Variants in PDE1A observed in about 807,000 individuals in gnomAD.
PDE1A encodes dual specificity calcium/calmodulin-dependent 3',5'-cyclic nucleotide phosphodiesterase 1A.
PDE1A carries 35 observed loss-of-function variants against 61.7 expected under a neutral mutation model. That is an observed-to-expected ratio of 0.57 (90% CI 0.43 to 0.75). The LOEUF (loss-of-function observed/expected upper bound fraction) is 0.75, where lower values mean the gene tolerates loss of function less well. Ranked by LOEUF, PDE1A falls within the 30% of genes least tolerant of loss-of-function variation. The pLI is 0.00. For missense variants in PDE1A, 597 were observed against 630.6 expected (o/e 0.95, Z 0.57); for synonymous variants, 232 against 213.2 (o/e 1.09, Z -0.77).
At chr2:182,424,382 G>A (rs1703474470) in intron 1 of PDE1A, among the ~76,000 whole-genome samples, 1 of 152,330 alleles carries the variant, frequency 6.6e-6, no homozygotes, top group Non-Finnish European at 1.5e-5. Context: ...CCTGTCAAGT[G>A]GATTGAGATC....
At chr2:182,538,442 GT>G in the PDE1A span, among the ~76,000 whole-genome samples, 1 of 152,060 alleles carries the variant, frequency 6.6e-6, no homozygotes, top group Non-Finnish European at 1.5e-5. Flanking sequence ...GAAATACAAG[GT>G]ATGAAAAGAT....
chr2:182,327,153 C>T (rs1697099238), intron 1 of PDE1A, among the ~76,000 whole-genome samples: 2 of 152,132 alleles, frequency 1.3e-5, no homozygotes, highest in South Asian at 2.1e-4. Flanking sequence ...TTTCTTTGAA[C>T]AAGACAGAAA....
intron 13 of PDE1A, among the ~76,000 whole-genome samples, chr2:182,158,047 C>A (rs1484519575): frequency 6.6e-6 from 1 of 152,118 alleles, no homozygotes; most frequent in Non-Finnish European, 1.5e-5. Context: ...CATGTCAATA[C>A]CTAACTTTGG....
chr2:182,709,958 A>G, the PDE1A span, among the ~76,000 whole-genome samples: 31,804 of 152,102 alleles, frequency 0.21, 7,580 homozygotes, highest in African/African-American at 0.59. Flanking sequence ...GTGCAGTGGC[A>G]TGATCTTGGC....
At chr2:182,413,920 C>A (rs1463325852) in intron 1 of PDE1A, among the ~76,000 whole-genome samples, 1 of 152,014 alleles carries the variant, frequency 6.6e-6, no homozygotes, top group Non-Finnish European at 1.5e-5. Context: ...TGCTTCTGAA[C>A]TTATTATTAT....
At chr2:182,204,761 T>G (rs569513785) in intron 8 of PDE1A, among the ~76,000 whole-genome samples, 1 of 152,344 alleles carries the variant, frequency 6.6e-6, no homozygotes, top group South Asian at 2.1e-4. Flanking sequence ...AAGGTATACA[T>G]GGGTTTTCAG....
chr2:182,557,983 T>A, the PDE1A span, among the ~76,000 whole-genome samples: 35 of 152,256 alleles, frequency 2.3e-4, no homozygotes, highest in African/African-American at 8.2e-4. Context: ...TAAATTGTTA[T>A]AAAATCTGTT....
At chr2:182,384,703 A>G (rs1700928270) in intron 1 of PDE1A, among the ~76,000 whole-genome samples, 1 of 152,050 alleles carries the variant, frequency 6.6e-6, no homozygotes, top group African/African-American at 2.4e-5. Flanking sequence ...TATTCCAGTC[A>G]CAGGAGTTCA....
chr2:182,438,658 T>C (rs1574657346), intron 2 of PDE1A, among the ~76,000 whole-genome samples: 4 of 151,868 alleles, frequency 2.6e-5, no homozygotes, highest in African/African-American at 9.7e-5. Context: ...TGCAGAATCA[T>C]GAAATGCCAT....
chr2:182,645,147 A>G, the PDE1A span, among the ~76,000 whole-genome samples: 1 of 151,840 alleles, frequency 6.6e-6, no homozygotes, highest in Non-Finnish European at 1.5e-5. Flanking sequence ...CACCACACCC[A>G]GCTAATTTTT....
the PDE1A span, among the ~76,000 whole-genome samples, chr2:182,657,148 G>A: frequency 2.6e-5 from 4 of 152,052 alleles, no homozygotes; most frequent in Admixed American, 1.3e-4. Context: ...GCTTGAACCC[G>A]GGAGGTGGAG....
At chr2:182,671,361 T>TTTTTTTTTC in the PDE1A span, among the ~76,000 whole-genome samples, 54 of 114,268 alleles carry the variant, frequency 4.7e-4, no homozygotes, top group South Asian at 9.7e-4. Flanking sequence ...TTTTTTTTTT[T>TTTTTTTTTC]GTATTTTTAG....
At chr2:182,150,667 T>A (rs1690729457) in intron 13 of PDE1A, among the ~76,000 whole-genome samples, 1 of 152,186 alleles carries the variant, frequency 6.6e-6, no homozygotes. Flanking sequence ...ATGATAGAAA[T>A]TTTATGGGTT....
At chr2:182,688,388 A>G in the PDE1A span, among the ~76,000 whole-genome samples, 2 of 152,226 alleles carry the variant, frequency 1.3e-5, no homozygotes, top group Non-Finnish European at 2.9e-5. Flanking sequence ...ATTCTTAAAG[A>G]AAACAATTTT....
chr2:182,230,210 A>G (rs1689467141), intron 5 of PDE1A, 64 bp from the exon 6 acceptor site: 29 of 1,295,866 alleles, frequency 2.2e-5, no homozygotes, highest in Non-Finnish European at 2.9e-5. Context: ...CAACCTGAGC[A>G]CTGTTTGTCA....
the PDE1A span, among the ~76,000 whole-genome samples, chr2:182,687,494 A>G: frequency 1.3e-5 from 2 of 152,200 alleles, no homozygotes. Flanking sequence ...AAGGAAAACT[A>G]ACAAACAGAA....
chr2:182,708,044 T>G, the PDE1A span, among the ~76,000 whole-genome samples: 1 of 152,160 alleles, frequency 6.6e-6, no homozygotes, highest in Non-Finnish European at 1.5e-5. Flanking sequence ...ATAATAAATG[T>G]TTAAGGTGAT....
the PDE1A span, among the ~76,000 whole-genome samples, chr2:182,598,007 A>G: frequency 6.6e-6 from 1 of 152,210 alleles, no homozygotes; most frequent in Non-Finnish European, 1.5e-5. Flanking sequence ...AGAAATGTGA[A>G]ATTTAAGCGA....
At position 182,240,957 on chromosome 2, in the gene PDE1A, C is replaced by T. The variant is rs139090788; in HGVS notation, c.168-665G>A. Among the ~76,000 whole-genome samples, 208 of 152,058 alleles carry T rather than the reference C, an allele frequency of 1.4e-3. 3 individuals carry two copies. The South Asian group carries it at 0.023, about 17-fold the overall frequency. ...GTTTAAAGCGCATTTCAGGTGACCA[C>T]GGGGTGGAGCTCTCATGGGTTTAGA... is the stretch of plus-strand genomic sequence containing the variant. On this transcript the variant is annotated intron_variant, in intron 2 of 13. Coordinates refer to ENST00000351439, the Ensembl canonical transcript of PDE1A.
Sources: allele counts gnomAD v4.1 joint callset (sites outside exome capture counted in the v4.1 genomes callset), GRCh38; gene constraint gnomAD v4.1.1; transcripts MANE v1.5; gene names NCBI Gene and HGNC (gene_info 2026-07-23, HGNC 2026-07-21).